The following SREBF2 variants were observed in gnomAD, a reference collection of about 807,000 sequenced individuals.
SREBF2 encodes sterol regulatory element binding transcription factor 2.
SREBF2 carries 55 observed loss-of-function variants against 113.1 expected under a neutral mutation model. The ratio of observed to expected loss-of-function variants is 0.49; its 90% CI spans 0.39 to 0.61. The LOEUF is 0.61. Among genes scored for constraint, SREBF2 ranks in the 20% least tolerant of loss-of-function variants. SREBF2 has a pLI of 0.00. For synonymous variants in SREBF2, 593 were observed against 605.7 expected (o/e 0.98, Z 0.31); for missense variants, 1,349 against 1,487.4 (o/e 0.91, Z 1.53).
At chr22:41,900,664 C>T (rs1241800746) in intron 16 of SREBF2, among the ~76,000 whole-genome samples, 166 bp downstream of exon 16, 1 of 152,204 alleles carries the variant, frequency 6.6e-6, no homozygotes, top group Admixed American at 6.5e-5. Context: ...CCTAGGTGGA[C>T]TCCTTTTTCA....
rs934394107 is a variant in SREBF2 at position 41,833,198 on chromosome 22, G to T, written c.-73G>T. 13 of 1,252,978 alleles carry T rather than the reference G, an allele frequency of 1.0e-5. No individual in the cohort carries two copies. In the Admixed American group the frequency reaches 2.4e-4, roughly 23 times the overall value. 77.6% of individuals were successfully genotyped at this position (1,252,978 alleles called of 1,614,324 possible). ...GGGCGGGGGTTGTCGGGTGTCATGGGCGGTGGCGACGGCACCGCCCCCGCG... is the reference window on the plus strand; with the variant it reads ...GGGCGGGGGTTGTCGGGTGTCATGGTCGGTGGCGACGGCACCGCCCCCGCG... On this transcript the variant is annotated 5_prime_UTR_variant, in exon 1 of 19. Coordinates refer to ENST00000361204, the MANE Select transcript of SREBF2 (RefSeq NM_004599.4). This position sits in a 1 kb window ranked among gnomAD's most constrained non-coding sequence, Gnocchi z 4.1.
Position 41,898,826 on chromosome 22 carries a change from A to G in SREBF2, c.2738+45A>G. On this transcript the variant is annotated intron_variant, in intron 15 of 18. Coordinates refer to ENST00000361204, the MANE Select transcript of SREBF2 (RefSeq NM_004599.4). Reference sequence around the variant, plus strand: ...CACTCACTTGCTTCTCTCCAGGGGAATCTTGTTTGAGTTAGCAGGAGCAAA... The same window carrying G: ...CACTCACTTGCTTCTCTCCAGGGGAGTCTTGTTTGAGTTAGCAGGAGCAAA... The G allele has an allele frequency of 2.5e-6, 4 of 1,609,312 alleles. No homozygotes were observed. In the South Asian group the frequency reaches 4.4e-5, roughly 18 times the overall value.
Position 41,875,289 on chromosome 22 carries a change from T to C in SREBF2, c.1090-48T>C, listed in dbSNP as rs56064241. ...TGCTAGGGCTCTGCTCTTTTCACAC[T>C]GTAGCCTGCACTGGTCTCACTGTGT... On this transcript the variant is annotated intron_variant, in intron 5 of 18. Transcript: ENST00000361204. The C allele has an allele frequency of 2.0e-3, 2,979 of 1,526,184 alleles. 45 individuals carry two copies. In the African/African-American group the frequency reaches 0.037, roughly 19 times the overall value. 94.5% of individuals were successfully genotyped at this position (1,526,184 alleles called of 1,614,324 possible). A position where few individuals can be genotyped will look rare whatever the true frequency, so the allele number is the denominator to read the frequency against.
In SREBF2 at chr22:41,893,496, G is replaced by A. The variant is rs4822066; in HGVS notation, c.2377+211G>A. Among the ~76,000 whole-genome samples, 20,974 of 152,126 alleles carry A rather than the reference G, an allele frequency of 0.14. 1,985 individuals are homozygous for A. Among genetic ancestry groups the A allele is most frequent in the Admixed American group, 0.31 (4,689 of 15,264 alleles). ...CAAGCCTGATCAGAAATTGTCAGTG[G>A]CTAAGCTGGGTGTGCAGCTCTGCTC... is the stretch of plus-strand genomic sequence containing the variant. On this transcript the variant is annotated intron_variant, in intron 12 of 18. Coordinates refer to ENST00000361204, the MANE Select transcript of SREBF2 (RefSeq NM_004599.4).
intron 15 of SREBF2, 149 bp from the exon 16 acceptor site, chr22:41,900,181 G>T (rs1420032806): frequency 1.1e-5 from 16 of 1,518,520 alleles, no homozygotes; most frequent in Non-Finnish European, 1.4e-5. Context: ...TCTGGAGCTG[G>T]TGGCATGGTG....
At chr22:41,874,428 C>T (rs1249798566) in intron 5 of SREBF2, among the ~76,000 whole-genome samples, 1 of 152,144 alleles carries the variant, frequency 6.6e-6, no homozygotes. Context: ...AGTCTTTGAC[C>T]AGCAACACAT....
intron 7 of SREBF2, among the ~76,000 whole-genome samples, chr22:41,877,002 G>A (rs1312492595): frequency 6.6e-6 from 1 of 152,074 alleles, no homozygotes. Flanking sequence ...TTCTACCTTT[G>A]TTCTTTGGAA....
intron 16 of SREBF2, chr22:41,901,103 G>C: frequency 2.5e-6 from 1 of 405,342 alleles, no homozygotes; most frequent in Non-Finnish European, 5.0e-6. Context: ...TGCCACTGTT[G>C]GGGCCCAAGT....
intron 15 of SREBF2, chr22:41,900,088 A>G: frequency 7.0e-7 from 1 of 1,425,824 alleles, no homozygotes; most frequent in Non-Finnish European, 9.2e-7. Context: ...CGTGATGGTG[A>G]AGCCTGTGTC....
chr22:41,866,982 C>A lies in SREBF2; in HGVS notation c.240C>A (p.Ser80Arg), dbSNP rs367980385. 3 of 1,614,068 alleles carry A rather than the reference C, an allele frequency of 1.9e-6. No homozygotes were observed. Among genetic ancestry groups the A allele is most frequent in the Non-Finnish European group, 2.5e-6 (3 of 1,180,042 alleles). ...SSSSSNGRGS[S>R]SGAVDPSVQR... Reference sequence around the variant, plus strand: ...GCAGCAGCAATGGCAGGGGCAGCAGCAGCGGAGCTGTGGACCCTTCAGTGC... The same window carrying A: ...GCAGCAGCAATGGCAGGGGCAGCAGAAGCGGAGCTGTGGACCCTTCAGTGC... The change falls in exon 2 of 19, where the codon AGC (serine) becomes AGA (arginine). Residue 80 changes from serine (S) to arginine (R), a missense_variant. Ser to Arg is a moderately radical substitution (Grantham distance 110). This residue lies in a region of SREBF2 where 699 missense variants were observed against 843.3 expected (regional missense o/e 0.83). Transcript: ENST00000361204.
chr22:41,880,568 C>T, intron 9 of SREBF2, 148 bp from the exon 10 acceptor site: 2 of 1,075,868 alleles, frequency 1.9e-6, no homozygotes, highest in South Asian at 1.3e-5. Context: ...TTTTGTTTTA[C>T]TTTCTTGTAG....
intron 1 of SREBF2, among the ~76,000 whole-genome samples, chr22:41,851,843 G>A (rs1437394634): frequency 2.0e-5 from 3 of 151,694 alleles, no homozygotes; most frequent in Non-Finnish European, 2.9e-5. Context: ...CAAAGCGGCC[G>A]GGCGCGGTGG....
chr22:41,897,739 T>G (rs1157352724), intron 14 of SREBF2, among the ~76,000 whole-genome samples: 1 of 152,190 alleles, frequency 6.6e-6, no homozygotes, highest in Non-Finnish European at 1.5e-5. Flanking sequence ...AAGCTACCGC[T>G]GGTCACTCTC....
chr22:41,860,523 T>A (rs1348165019), intron 1 of SREBF2, among the ~76,000 whole-genome samples: 1 of 152,218 alleles, frequency 6.6e-6, no homozygotes, highest in Non-Finnish European at 1.5e-5. Context: ...CCCAGCCATC[T>A]AACTTCTAGG....
At chr22:41,834,112 T>G (rs2076745959) in intron 1 of SREBF2, 1 of 152,340 alleles carries the variant, frequency 6.6e-6, no homozygotes, top group South Asian at 2.1e-4. Context: ...GATCCACTCT[T>G]AAAATACTAA....
intron 16 of SREBF2, among the ~76,000 whole-genome samples, chr22:41,900,772 G>A (rs2077458970): frequency 6.6e-6 from 1 of 152,192 alleles, no homozygotes; most frequent in African/African-American, 2.4e-5. Context: ...TGTAAGCCCA[G>A]GTGCACCCCA....
chr22:41,873,382 C>T (rs1223186472), intron 4 of SREBF2, among the ~76,000 whole-genome samples: 1 of 152,042 alleles, frequency 6.6e-6, no homozygotes, highest in East Asian at 1.9e-4. Context: ...CAGTAATTTG[C>T]TTAATTGTCA....
chr22:41,897,286 T>C (rs1293612667), intron 14 of SREBF2, 125 bp downstream of exon 14: 2 of 612,290 alleles, frequency 3.3e-6, no homozygotes, highest in Admixed American at 5.9e-5. Context: ...CCCAGGTTCA[T>C]ACCTGTGGCT....
chr22:41,874,046 A>G, intron 5 of SREBF2, 27 bp downstream of exon 5: 1 of 1,612,818 alleles, frequency 6.2e-7, no homozygotes, highest in East Asian at 2.2e-5. Flanking sequence ...ATTGTGTTTT[A>G]TGTTCCACCA....
Sources: gnomAD v4.1 joint callset for allele counts (sites outside exome capture counted in the v4.1 genomes callset) on GRCh38, gnomAD v4.1.1 for gene constraint, gnomAD v4.1.1 regional missense constraint, Gnocchi (gnomAD v3.1) non-coding constraint, MANE v1.5 for transcripts, NCBI Gene and HGNC (gene_info 2026-07-23, HGNC 2026-07-21) for gene names.